Variants in NTNG2 observed in about 807,000 individuals in gnomAD.
The protein encoded by NTNG2 is netrin G2.
A neutral mutation model predicts 47.6 loss-of-function variants in NTNG2; 15 were observed. The ratio of observed to expected loss-of-function variants is 0.32; its 90% CI spans 0.21 to 0.49. NTNG2 has a LOEUF of 0.49. Ranked by LOEUF, NTNG2 falls within the 20% of genes least tolerant of loss-of-function variation. The pLI, the probability that NTNG2 is intolerant of heterozygous loss-of-function variation, is 0.99. For missense variants in NTNG2, 578 were observed against 764.6 expected (o/e 0.76, Z 2.88); for synonymous variants, 307 against 324.6 (o/e 0.95, Z 0.58).
At chr9:132,165,611 A>C (rs943980848) in intron 1 of NTNG2, among the ~76,000 whole-genome samples, 2 of 152,348 alleles carry the variant, frequency 1.3e-5, no homozygotes, top group African/African-American at 4.8e-5. Flanking sequence ...TCATCTGTAC[A>C]TATAGGTATG....
intron 1 of NTNG2, among the ~76,000 whole-genome samples, chr9:132,164,001 T>C (rs1362484993): frequency 1.3e-5 from 2 of 152,192 alleles, no homozygotes; most frequent in Non-Finnish European, 2.9e-5. Context: ...CTTCTTACTC[T>C]GAAAATTTCC....
Position 132,242,021 on chromosome 9 carries a change from C to A in NTNG2, c.1503C>A (p.Asp501Glu). The A allele has an allele frequency of 7.4e-7, 1 of 1,355,374 alleles. No homozygotes were observed. Among genetic ancestry groups the A allele is most frequent in the Non-Finnish European group, 9.5e-7 (1 of 1,057,870 alleles). The allele number at this position is 1,355,374 out of a possible 1,614,324, so 84.0% of individuals were successfully genotyped here. A position where few individuals can be genotyped will look rare whatever the true frequency, so the allele number is the denominator to read the frequency against. Reference sequence around the variant, plus strand: ...CCGCCGACGATGACGGCGGTCTGGACTGCGACCGCGCGCCCGGGGCCGCCC... The same window carrying A: ...CCGCCGACGATGACGGCGGTCTGGAATGCGACCGCGCGCCCGGGGCCGCCC... ...CDPADDDGGLDCDRAPGAAPR... is the reference protein window; with the variant it reads ...CDPADDDGGLECDRAPGAAPR... The change falls in exon 8 of 8, where the codon GAC (aspartate) becomes GAA (glutamate). Residue 501 changes from aspartate to glutamate, a missense_variant. Asp to Glu is a conservative substitution (Grantham distance 45, BLOSUM62 2). Transcript: ENST00000393229. The surrounding 1 kb of genome is among the most constrained non-coding windows in gnomAD (Gnocchi z 5.9).
At chr9:132,223,971 C>T (rs1436447027) in intron 3 of NTNG2, among the ~76,000 whole-genome samples, 3 of 152,148 alleles carry the variant, frequency 2.0e-5, no homozygotes, top group Non-Finnish European at 4.4e-5. Context: ...CTAGGGCTTT[C>T]CTCATGCTCT....
intron 6 of NTNG2, 61 bp from the exon 7 acceptor site, chr9:132,240,849 G>A (rs1414370267): frequency 1.2e-5 from 20 of 1,609,528 alleles, no homozygotes; most frequent in South Asian, 3.3e-5. Context: ...GAGAGTGGGG[G>A]TCCGAGAAGA....
intron 2 of NTNG2, 24 bp downstream of exon 2, chr9:132,167,068 G>T (rs749726395): frequency 6.2e-7 from 1 of 1,611,576 alleles, no homozygotes; most frequent in Admixed American, 1.7e-5. Flanking sequence ...CTGCTCTTTT[G>T]TTTGCCCAGG....
intron 3 of NTNG2, among the ~76,000 whole-genome samples, chr9:132,201,675 C>T (rs1383611190): frequency 6.6e-6 from 1 of 152,216 alleles, no homozygotes; most frequent in Admixed American, 6.5e-5. Context: ...TCCGCTGTGG[C>T]CCACTAACAA....
rs1564439474 is a variant in NTNG2 at position 132,230,557 on chromosome 9, GTCTC to G, written c.1031-10_1031-7del. 6.3e-7 allele frequency: 1 copy of G among 1,599,222 alleles called. No individual in the cohort carries two copies. On this transcript the variant is annotated splice_polypyrimidine_tract_variant and intron_variant, in intron 4 of 7. Coordinates refer to ENST00000393229, the MANE Select transcript of NTNG2 (RefSeq NM_032536.4). ...CCCCTGGGGCAGCCAGCTCACGCCCGTCTCTCTCCCACAGGTGCCACTGCAGGTT... is the reference window on the plus strand; with the variant it reads ...CCCCTGGGGCAGCCAGCTCACGCCCGTCTCCCACAGGTGCCACTGCAGGTT...
Position 132,239,240 on chromosome 9 carries a change from G to A in NTNG2, c.1191G>A (p.Ser397=), listed in dbSNP as rs145788429. The A allele has an allele frequency of 3.7e-4, 596 of 1,613,646 alleles. 3 individuals are homozygous for A. In the African/African-American group the frequency reaches 7.0e-3, roughly 19 times the overall value. Residue 397 remains serine (S), a synonymous_variant, in exon 6 of 8, where the codon TCG becomes TCA. Coordinates refer to ENST00000393229, the MANE Select transcript of NTNG2 (RefSeq NM_032536.4). ...HCRLGYYRNG[S]AELDDENVCI... is the part of the protein sequence containing the mutation. ...GGCTGGGCTACTACCGCAACGGCTC[G>A]GCAGAGCTGGATGATGAGAACGTCT...
At chr9:132,206,883 G>A (rs1365032078) in intron 3 of NTNG2, among the ~76,000 whole-genome samples, 3 of 152,238 alleles carry the variant, frequency 2.0e-5, no homozygotes, top group Non-Finnish European at 4.4e-5. Context: ...AGACTATGCT[G>A]AAGAGTTGGG....
chr9:132,241,439 C>T, intron 7 of NTNG2: 2 of 329,846 alleles, frequency 6.1e-6, no homozygotes, highest in South Asian at 4.0e-5. Context: ...GGGCCTGATG[C>T]GACCTGAGGC....
chr9:132,231,514 A>C lies in NTNG2; in HGVS notation c.1054+919A>C. 1 of 355,396 alleles carries C rather than the reference A, an allele frequency of 2.8e-6. No homozygotes were observed. Among genetic ancestry groups the C allele is most frequent in the South Asian group, 2.1e-5 (1 of 48,336 alleles). 22.0% of individuals were successfully genotyped at this position (355,396 alleles called of 1,614,324 possible). On this transcript the variant is annotated intron_variant, in intron 5 of 7. Coordinates refer to ENST00000393229, the MANE Select transcript of NTNG2 (RefSeq NM_032536.4). The surrounding 1 kb of genome is among the most constrained non-coding windows in gnomAD (Gnocchi z 4.1). Reference sequence around the variant, plus strand: ...CCCTGGCTGGGAAGCCAGTGAGCCGAGAGGGCGCCAGAAAGAAGCTGGACC... The same window carrying C: ...CCCTGGCTGGGAAGCCAGTGAGCCGCGAGGGCGCCAGAAAGAAGCTGGACC...
In NTNG2 at chr9:132,171,164, TC is replaced by T. The variant is rs143156220; in HGVS notation, c.213+4122del. Among the ~76,000 whole-genome samples the T allele has an allele frequency of 4.2e-3, 634 of 152,236 alleles. 3 individuals carry two copies. The highest frequency in any genetic ancestry group is 0.015 in the African/African-American group (615 of 41,534). On this transcript the variant is annotated intron_variant, in intron 2 of 7. Coordinates refer to ENST00000393229, the MANE Select transcript of NTNG2 (RefSeq NM_032536.4). ...GGTTCCAGAGAGAGGCAGCACTACC[TC>T]CTGACAAGAGCTACAGGCCTAGAAT... is the stretch of plus-strand genomic sequence containing the variant.
intron 2 of NTNG2, among the ~76,000 whole-genome samples, chr9:132,181,605 G>A (rs1440203089): frequency 1.3e-5 from 2 of 152,144 alleles, no homozygotes; most frequent in East Asian, 3.8e-4. Flanking sequence ...GTGAGCCACC[G>A]TGCCTGGCCA....
intron 5 of NTNG2, among the ~76,000 whole-genome samples, chr9:132,238,539 A>G (rs989436432): frequency 2.6e-5 from 4 of 152,226 alleles, no homozygotes; most frequent in Non-Finnish European, 5.9e-5. Flanking sequence ...CAGAAAGCTC[A>G]GGCTAATAAG....
chr9:132,237,440 T>C (rs1841711722), intron 5 of NTNG2, among the ~76,000 whole-genome samples: 1 of 152,176 alleles, frequency 6.6e-6, no homozygotes, highest in Non-Finnish European at 1.5e-5. Context: ...CCCCTGCCGC[T>C]GCCCCTGCCC....
chr9:132,233,646 C>T (rs1256079929), intron 5 of NTNG2: 1 of 152,200 alleles, frequency 6.6e-6, no homozygotes, highest in African/African-American at 2.4e-5. Flanking sequence ...GCTCCTCCCT[C>T]CTCTTCAGCA....
chr9:132,176,821 A>G (rs7869433), intron 2 of NTNG2, among the ~76,000 whole-genome samples: 33,525 of 152,090 alleles, frequency 0.22, 3,924 homozygotes, highest in African/African-American at 0.29. Flanking sequence ...ATGTACGAGA[A>G]TGCCAGTTTC....
At chr9:132,200,489 T>A (rs559323687) in intron 3 of NTNG2, among the ~76,000 whole-genome samples, 27 of 152,356 alleles carry the variant, frequency 1.8e-4, no homozygotes, top group African/African-American at 6.3e-4. Context: ...ACATTGGCTG[T>A]AAGTGTGTAC....
At chr9:132,177,943 C>T (rs1836604888) in intron 2 of NTNG2, among the ~76,000 whole-genome samples, 1 of 152,216 alleles carries the variant, frequency 6.6e-6, no homozygotes, top group South Asian at 2.1e-4. Context: ...AGGCGTGAGC[C>T]ACAGCGCCTG....
Sources: gnomAD v4.1 joint callset for allele counts (sites outside exome capture counted in the v4.1 genomes callset) on GRCh38, gnomAD v4.1.1 for gene constraint, Gnocchi (gnomAD v3.1) non-coding constraint, MANE v1.5 for transcripts, NCBI Gene and HGNC (gene_info 2026-07-23, HGNC 2026-07-21) for gene names.